CTNNA2: variants seen among roughly 807,000 people sequenced by gnomAD.
CTNNA2 encodes catenin alpha 2, also known as catenin alpha-2.
A neutral mutation model predicts 101.0 loss-of-function variants in CTNNA2; 42 were observed. That is an observed-to-expected ratio of 0.42 (90% CI 0.32 to 0.54). The LOEUF (loss-of-function observed/expected upper bound fraction) is 0.54, where lower values mean the gene tolerates loss of function less well. CTNNA2 is among the 20% of genes least tolerant of loss of function. The probability of loss-of-function intolerance (pLI) is 0.14; values close to 1 mark genes in which losing one functional copy is unlikely to be tolerated. For missense variants in CTNNA2, 871 were observed against 1,223.1 expected (o/e 0.71, Z 4.29); for synonymous variants, 450 against 456.4 (o/e 0.99, Z 0.18).
At chr2:80,110,061 C>T (rs1363771057) in intron 7 of CTNNA2, among the ~76,000 whole-genome samples, 1 of 152,188 alleles carries the variant, frequency 6.6e-6, no homozygotes, top group Non-Finnish European at 1.5e-5. Flanking sequence ...ATAGTTATCA[C>T]TACATCATTC....
chr2:79,753,864 TCTC>T (rs1672211792), intron 3 of CTNNA2, among the ~76,000 whole-genome samples: 1 of 140,608 alleles, frequency 7.1e-6, no homozygotes, highest in Non-Finnish European at 1.5e-5. Context: ...TTTCTTTTTC[TCTC>T]TTTTTTTTTT....
chr2:79,506,740 C>T (rs1427182451), intron 5 of CTNNA2, among the ~76,000 whole-genome samples: 1 of 152,158 alleles, frequency 6.6e-6, no homozygotes, highest in Non-Finnish European at 1.5e-5. Context: ...AGAGGAAATA[C>T]CTCTGTATTC....
At chr2:80,077,775 G>T (rs1698858673) in intron 7 of CTNNA2, among the ~76,000 whole-genome samples, 1 of 152,102 alleles carries the variant, frequency 6.6e-6, no homozygotes, top group African/African-American at 2.4e-5. Flanking sequence ...AGGTAGATTA[G>T]TACTCACTGG....
chr2:80,523,744 A>G (rs6729523), intron 9 of CTNNA2, among the ~76,000 whole-genome samples: 6,311 of 152,266 alleles, frequency 0.041, 206 homozygotes, highest in East Asian at 0.086. Context: ...CAGAAGAGGC[A>G]GGAGATGGTC....
At chr2:79,435,747 G>A (rs1678705828) in intron 4 of CTNNA2, among the ~76,000 whole-genome samples, 1 of 151,994 alleles carries the variant, frequency 6.6e-6, no homozygotes, top group South Asian at 2.1e-4. Flanking sequence ...CAAGTATGCA[G>A]GAGAGGGTAG....
At chr2:80,056,946 A>G (rs762013206) in intron 7 of CTNNA2, among the ~76,000 whole-genome samples, 21 of 152,198 alleles carry the variant, frequency 1.4e-4, no homozygotes, top group Non-Finnish European at 2.4e-4. Flanking sequence ...TCTCCTGGCC[A>G]ATGAGCATAG....
chr2:79,327,980 G>T (rs921575142), intron 3 of CTNNA2, among the ~76,000 whole-genome samples: 1 of 152,076 alleles, frequency 6.6e-6, no homozygotes, highest in East Asian at 1.9e-4. Flanking sequence ...GGTTGCGGGG[G>T]TGAGGGAAGA....
At chr2:79,370,017 G>A (rs1677835732) in intron 3 of CTNNA2, among the ~76,000 whole-genome samples, 1 of 152,162 alleles carries the variant, frequency 6.6e-6, no homozygotes, top group African/African-American at 2.4e-5. Flanking sequence ...CGAAGAGGAG[G>A]TGCTCAACTT....
chr2:79,548,021 A>G (rs946257651), intron 1 of CTNNA2: 5 of 152,222 alleles, frequency 3.3e-5, no homozygotes, highest in African/African-American at 1.2e-4. Context: ...ACCCTTAGGT[A>G]TACCAAGGGA....
intron 1 of CTNNA2, among the ~76,000 whole-genome samples, chr2:79,588,715 CA>C (rs949236948): frequency 2.0e-5 from 3 of 152,144 alleles, no homozygotes; most frequent in African/African-American, 7.2e-5. Flanking sequence ...ACCATCCATT[CA>C]AAAAAGTTTA....
intron 3 of CTNNA2, among the ~76,000 whole-genome samples, chr2:79,823,356 A>C (rs1346394172): frequency 6.6e-6 from 1 of 152,204 alleles, no homozygotes; most frequent in African/African-American, 2.4e-5. Context: ...CAAACTGTTT[A>C]AGAGACAGAA....
chr2:80,284,158 A>G (rs1379928184), intron 7 of CTNNA2, among the ~76,000 whole-genome samples: 1 of 152,094 alleles, frequency 6.6e-6, no homozygotes, highest in African/African-American at 2.4e-5. Flanking sequence ...TACAGATTTC[A>G]TGTTTTAAAA....
chr2:79,517,677 A>G (rs915847378), intron 1 of CTNNA2, among the ~76,000 whole-genome samples: 1 of 152,092 alleles, frequency 6.6e-6, no homozygotes, highest in Non-Finnish European at 1.5e-5. Flanking sequence ...TTATAAGTGA[A>G]TTTTTACCTC....
intron 13 of CTNNA2, among the ~76,000 whole-genome samples, chr2:80,580,548 C>A (rs1695442317): frequency 6.6e-6 from 1 of 152,188 alleles, no homozygotes; most frequent in Admixed American, 6.5e-5. Flanking sequence ...GGCTTAACTT[C>A]TTTGCACCTT....
chr2:80,451,919 G>C (rs1259133675), intron 9 of CTNNA2, among the ~76,000 whole-genome samples: 3 of 152,010 alleles, frequency 2.0e-5, no homozygotes, highest in Non-Finnish European at 4.4e-5. Flanking sequence ...TACTAGAATA[G>C]GTTTAAGATA....
chr2:79,922,503 T>C (rs1353075922), intron 7 of CTNNA2, among the ~76,000 whole-genome samples: 1 of 152,116 alleles, frequency 6.6e-6, no homozygotes, highest in African/African-American at 2.4e-5. Flanking sequence ...TCTCTGACCT[T>C]CTCTTCTTAT....
intron 7 of CTNNA2, among the ~76,000 whole-genome samples, chr2:79,918,274 T>C (rs1022152087): frequency 6.6e-6 from 1 of 152,166 alleles, no homozygotes; most frequent in Non-Finnish European, 1.5e-5. Context: ...AGGGCATTAC[T>C]AGAAGAAAAG....
intron 8 of CTNNA2, among the ~76,000 whole-genome samples, chr2:80,399,123 G>A (rs904495158): frequency 6.7e-6 from 1 of 149,598 alleles, no homozygotes; most frequent in Non-Finnish European, 1.5e-5. Context: ...TGTTGTCCAG[G>A]CTGGTCTCAA....
At chr2:79,643,119 A>T (rs1161913825) in intron 1 of CTNNA2, among the ~76,000 whole-genome samples, 1 of 152,060 alleles carries the variant, frequency 6.6e-6, no homozygotes, top group Non-Finnish European at 1.5e-5. Flanking sequence ...TGAACTGGGG[A>T]GGCGGGGGTT....
Sources: gnomAD v4.1 joint callset for allele counts (sites outside exome capture counted in the v4.1 genomes callset) on GRCh38, gnomAD v4.1.1 for gene constraint, MANE v1.5 for transcripts, NCBI Gene and HGNC (gene_info 2026-07-23, HGNC 2026-07-21) for gene names.